The following SLIT2 variants were observed in gnomAD, a reference collection of about 807,000 sequenced individuals.
SLIT2 encodes the protein slit guidance ligand 2.
SLIT2 carries 41 observed loss-of-function variants against 185.7 expected under a neutral mutation model. The observed-to-expected ratio is 0.22, with a 90% CI of 0.17 to 0.29. The LOEUF (loss-of-function observed/expected upper bound fraction) is 0.29. SLIT2 is among the 10% of genes least tolerant of loss of function. The pLI, the probability that SLIT2 is intolerant of heterozygous loss-of-function variation, is 1.00. For synonymous variants in SLIT2, 693 were observed against 680.2 expected (o/e 1.02, Z -0.29); for missense variants, 1,571 against 1,909.0 (o/e 0.82, Z 3.30).
At chr4:20,518,239 G>GTGTGTATA (rs777543992) in intron 11 of SLIT2, among the ~76,000 whole-genome samples, 1 of 85,270 alleles carries the variant, frequency 1.2e-5, no homozygotes, top group African/African-American at 5.2e-5. Flanking sequence ...ATGTGTGTGT[G>GTGTGTATA]TATATATATA....
intron 4 of SLIT2, among the ~76,000 whole-genome samples, chr4:20,365,483 T>C (rs964118349): frequency 2.0e-5 from 3 of 152,124 alleles, no homozygotes; most frequent in Non-Finnish European, 4.4e-5. Flanking sequence ...AAAAAAGAGA[T>C]GTGGAATGGG....
At chr4:20,308,667 G>A (rs1205591995) in intron 4 of SLIT2, among the ~76,000 whole-genome samples, 2 of 151,982 alleles carry the variant, frequency 1.3e-5, no homozygotes, top group African/African-American at 4.8e-5. Context: ...TTAATAGAAG[G>A]TAGGTATTTA....
At chr4:20,443,521 A>C (rs560111156) in intron 4 of SLIT2, among the ~76,000 whole-genome samples, 3 of 149,682 alleles carry the variant, frequency 2.0e-5, no homozygotes, top group Non-Finnish European at 3.0e-5. Flanking sequence ...TTCATTCATC[A>C]CAAGTTTATT....
In SLIT2 at chr4:20,517,250, TG is replaced by T. The variant is rs555129547; in HGVS notation, c.1059-2129del. 2.6e-4 allele frequency among the ~76,000 whole-genome samples: 40 copies of T among 152,342 alleles called. No homozygotes were observed. In the East Asian group the frequency reaches 7.5e-3, roughly 29 times the overall value. On this transcript the variant is annotated intron_variant, in intron 11 of 36. Coordinates refer to ENST00000504154, the MANE Select transcript of SLIT2 (RefSeq NM_004787.4). ...CTCAGTCATATCAGTGCCTGAGACA[TG>T]GGCAGATGATGGGCATTCAAAAATG...
In SLIT2 at chr4:20,410,972, G is replaced by T. The variant is rs151331389; in HGVS notation, c.396-56780G>T. Among the ~76,000 whole-genome samples the T allele has an allele frequency of 3.1e-3, 477 of 152,170 alleles. 1 individual carries two copies. Among genetic ancestry groups the T allele is most frequent in the African/African-American group, 0.011 (440 of 41,540 alleles). On this transcript the variant is annotated intron_variant, in intron 4 of 36. Transcript: ENST00000504154. Reference sequence around the variant, plus strand: ...AAAGAATGTCAATGGTAGTTTAATAGGAATAGCATTAAATTTATAAATTGC... The same window carrying T: ...AAAGAATGTCAATGGTAGTTTAATATGAATAGCATTAAATTTATAAATTGC...
intron 4 of SLIT2, among the ~76,000 whole-genome samples, chr4:20,343,246 T>C (rs945792317): frequency 6.6e-6 from 1 of 152,168 alleles, no homozygotes; most frequent in Non-Finnish European, 1.5e-5. Context: ...CAGTCTCTGA[T>C]ATCTATCATT....
chr4:20,254,980 G>A lies in SLIT2; in HGVS notation c.179+986G>A, dbSNP rs1434227544. On this transcript the variant is annotated intron_variant, in intron 1 of 36. Transcript: ENST00000504154. This position sits in a 1 kb window ranked among gnomAD's most constrained non-coding sequence, Gnocchi z 5.1. ...CGGTGTTGACGGCCCACGCGCTCCT[G>A]ATGAGGCGCTTCCAGAGTTCAGCGA... The A allele has an allele frequency of 1.5e-5, 7 of 456,322 alleles. No homozygotes were observed. The highest frequency in any genetic ancestry group is 2.6e-5 in the Non-Finnish European group (6 of 226,986). The allele number at this position is 456,322 out of a possible 1,614,324, so 28.3% of individuals were successfully genotyped here. A position where few individuals can be genotyped will look rare whatever the true frequency, so the allele number is the denominator to read the frequency against.
chr4:20,524,075 C>T lies in SLIT2; in HGVS notation c.1336C>T (p.His446Tyr), dbSNP rs1721072416. 6.2e-7 allele frequency: 1 copy of T among 1,614,016 alleles called. No individual in the cohort carries two copies. The highest frequency in any genetic ancestry group is 1.1e-5 in the South Asian group (1 of 91,086). Residue 446 changes from histidine (H) to tyrosine (Y), a missense_variant, in exon 14 of 37, where the codon CAT becomes TAT. By Grantham distance (83) the His-to-Tyr change is moderately conservative. Coordinates refer to ENST00000504154, the MANE Select transcript of SLIT2 (RefSeq NM_004787.4). The stretch of plus-strand genomic sequence containing the variant: ...TCTCAAGTGGCTAGCGGATTATCTC[C>T]ATACCAACCCGATTGAGACCAGTGG... ...CHLKWLADYL[H>Y]TNPIETSGAR... is the part of the protein sequence containing the mutation.
intron 4 of SLIT2, among the ~76,000 whole-genome samples, chr4:20,352,443 T>C (rs1721962351): frequency 6.6e-6 from 1 of 152,194 alleles, no homozygotes; most frequent in South Asian, 2.1e-4. Context: ...GAGGAGTTTG[T>C]TAATACGTAA....
intron 4 of SLIT2, among the ~76,000 whole-genome samples, chr4:20,404,483 G>A (rs190221845): frequency 6.6e-5 from 10 of 152,074 alleles, no homozygotes; most frequent in African/African-American, 2.2e-4. Flanking sequence ...TGGATAATGA[G>A]TGTTCCTATA....
In SLIT2 at chr4:20,252,940, C is replaced by A. The variant is rs1215290177; in HGVS notation, c.-876C>A. 2.0e-5 allele frequency among the ~76,000 whole-genome samples: 3 copies of A among 152,196 alleles called. No homozygotes were observed. Among genetic ancestry groups the A allele is most frequent in the African/African-American group, 7.2e-5 (3 of 41,462 alleles). On this transcript the variant is annotated 5_prime_UTR_variant, in exon 1 of 37. Coordinates refer to ENST00000504154, the MANE Select transcript of SLIT2 (RefSeq NM_004787.4). ...CACTTGGCCTCTTGGAGTTCCTCGCCGGAGTGCTGACTAGTGGATATTTCT... is the reference window on the plus strand; with the variant it reads ...CACTTGGCCTCTTGGAGTTCCTCGCAGGAGTGCTGACTAGTGGATATTTCT...
chr4:20,453,415 C>G (rs187725569), intron 4 of SLIT2, among the ~76,000 whole-genome samples: 3 of 152,140 alleles, frequency 2.0e-5, no homozygotes, highest in Admixed American at 2.0e-4. Flanking sequence ...TAATGCATCT[C>G]CCAAAACGTT....
intron 4 of SLIT2, among the ~76,000 whole-genome samples, chr4:20,399,458 T>G (rs75923720): frequency 0.013 from 2,007 of 151,828 alleles, 41 homozygotes; most frequent in African/African-American, 0.045. Flanking sequence ...GGGCTAATAA[T>G]GGTAACTACT....
intron 4 of SLIT2, among the ~76,000 whole-genome samples, chr4:20,365,397 C>T (rs764037318): frequency 2.0e-5 from 3 of 152,090 alleles, no homozygotes; most frequent in African/African-American, 4.8e-5. Flanking sequence ...ACTATGTGAA[C>T]GTTTGTCCTC....
At chr4:20,511,590 T>TTTTTTTTTTTATTTA (rs1332041480) in intron 11 of SLIT2, among the ~76,000 whole-genome samples, 1 of 131,518 alleles carries the variant, frequency 7.6e-6, no homozygotes, top group South Asian at 2.6e-4. Flanking sequence ...CCAGCTAATT[T>TTTTTTTTTTTATTTA]TTTTTTTTTT....
rs191727112 is a variant in SLIT2, at chr4:20,566,444, T to C, written c.2726-818T>C. 3.9e-5 allele frequency among the ~76,000 whole-genome samples: 6 copies of C among 152,190 alleles called. No individual in the cohort carries two copies. In the East Asian group the frequency reaches 1.2e-3, roughly 29 times the overall value. ...TATTGAGGACAGTACAATTTCCACATTGTTAGTCATTTGTCCAATAAGTAT... is the reference window on the plus strand; with the variant it reads ...TATTGAGGACAGTACAATTTCCACACTGTTAGTCATTTGTCCAATAAGTAT... On this transcript the variant is annotated intron_variant, in intron 26 of 36. Transcript: ENST00000504154.
intron 17 of SLIT2, among the ~76,000 whole-genome samples, chr4:20,532,951 C>T (rs1254241842): frequency 1.3e-5 from 2 of 152,184 alleles, no homozygotes; most frequent in Non-Finnish European, 2.9e-5. Flanking sequence ...GGGAGACACT[C>T]CTGGTCTTGG....
At chr4:20,554,058 G>T (rs1233620519) in intron 26 of SLIT2, 90 bp downstream of exon 26, 2 of 1,050,200 alleles carry the variant, frequency 1.9e-6, no homozygotes, top group Non-Finnish European at 2.8e-6. Context: ...CAAAGGTATG[G>T]TTGAAATGCC....
chr4:20,270,555 C>T (rs917184090), intron 4 of SLIT2, among the ~76,000 whole-genome samples: 2 of 151,818 alleles, frequency 1.3e-5, no homozygotes, highest in Non-Finnish European at 2.9e-5. Flanking sequence ...TAATTAAATG[C>T]GTGTTGGAAA....
Sources: gnomAD v4.1 joint callset for allele counts (sites outside exome capture counted in the v4.1 genomes callset) on GRCh38, gnomAD v4.1.1 for gene constraint, Gnocchi (gnomAD v3.1) non-coding constraint, MANE v1.5 for transcripts, NCBI Gene and HGNC (gene_info 2026-07-23, HGNC 2026-07-21) for gene names.